The following PCMT1 variants were observed in gnomAD, a reference collection of about 807,000 sequenced individuals.
The protein encoded by PCMT1 is protein-L-isoaspartate(D-aspartate) O-methyltransferase.
Under a neutral mutation model 29.2 loss-of-function variants are expected in PCMT1, and 9 were observed. The ratio of observed to expected loss-of-function variants is 0.31; its 90% confidence interval spans 0.19 to 0.54. The LOEUF is 0.54. Ranked by LOEUF, PCMT1 falls within the 20% of genes least tolerant of loss-of-function variation. The pLI is 0.95. For missense variants in PCMT1, 184 were observed against 282.2 expected (o/e 0.65, Z 2.49); for synonymous variants, 98 against 97.5 (o/e 1.00, Z -0.03).
chr6:149,795,284 C>G, intron 5 of PCMT1: 1 of 404,758 alleles, frequency 2.5e-6, no homozygotes, highest in Non-Finnish European at 4.7e-6. Flanking sequence ...CCAAGCAGTC[C>G]TTGTTCTCCA....
intron 1 of PCMT1, among the ~76,000 whole-genome samples, chr6:149,769,305 A>ATTTTTTTTT (rs1234622188): frequency 1.6e-3 from 79 of 47,974 alleles, no homozygotes; most frequent in African/African-American, 5.0e-3. Flanking sequence ...TTTGTGCAGG[A>ATTTTTTTTT]TTCTTTTTTT....
chr6:149,801,294 T>G (rs192024474), intron 6 of PCMT1, among the ~76,000 whole-genome samples: 1 of 152,342 alleles, frequency 6.6e-6, no homozygotes, highest in Admixed American at 6.5e-5. Flanking sequence ...ATTTTGTGCA[T>G]GGAATAAAGT....
intron 3 of PCMT1, among the ~76,000 whole-genome samples, chr6:149,788,295 T>C (rs1305013294): frequency 2.0e-5 from 3 of 152,240 alleles, no homozygotes; most frequent in Non-Finnish European, 2.9e-5. Flanking sequence ...AGCATTGATA[T>C]AACACTATTA....
chr6:149,773,376 G>GTTTT (rs377225556), intron 3 of PCMT1, among the ~76,000 whole-genome samples: 1 of 151,382 alleles, frequency 6.6e-6, no homozygotes, highest in Admixed American at 6.6e-5. Flanking sequence ...GTTTTGTTTT[G>GTTTT]TTTTGTTTTG....
At chr6:149,777,892 T>TTTTC (rs1323551287) in intron 3 of PCMT1, among the ~76,000 whole-genome samples, 1 of 148,918 alleles carries the variant, frequency 6.7e-6, no homozygotes, top group East Asian at 1.9e-4. Flanking sequence ...TTTTTTTTTT[T>TTTTC]TTTCCACAAA....
At chr6:149,750,169 A>G (rs897623092) in intron 1 of PCMT1, 12 of 673,572 alleles carry the variant, frequency 1.8e-5, no homozygotes, top group Non-Finnish European at 2.7e-5. Context: ...AGGGGAGAGA[A>G]AGAGCCAGGG....
At chr6:149,788,476 A>C (rs1411944666) in intron 3 of PCMT1, among the ~76,000 whole-genome samples, 1 of 152,204 alleles carries the variant, frequency 6.6e-6, no homozygotes, top group Non-Finnish European at 1.5e-5. Context: ...AAACCTTGAA[A>C]ATTTTTACGA....
At chr6:149,783,746 G>C (rs1787910543) in intron 3 of PCMT1, among the ~76,000 whole-genome samples, 1 of 152,012 alleles carries the variant, frequency 6.6e-6, no homozygotes, top group African/African-American at 2.4e-5. Flanking sequence ...CCAGGCTGGA[G>C]TGCAAAGATC....
At chr6:149,787,507 AGCC>A (rs1255148764) in intron 3 of PCMT1, among the ~76,000 whole-genome samples, 6 of 151,642 alleles carry the variant, frequency 4.0e-5, no homozygotes, top group African/African-American at 1.5e-4. Flanking sequence ...CTGGGATTAC[AGCC>A]GCCACCACGC....
chr6:149,777,259 T>G (rs1787606932), intron 3 of PCMT1, among the ~76,000 whole-genome samples: 1 of 152,270 alleles, frequency 6.6e-6, no homozygotes, highest in African/African-American at 2.4e-5. Context: ...AAGTCTGTTT[T>G]ATAATAAAAT....
At chr6:149,768,678 G>A (rs2115244660) in intron 1 of PCMT1, among the ~76,000 whole-genome samples, 1 of 151,728 alleles carries the variant, frequency 6.6e-6, no homozygotes, top group East Asian at 1.9e-4. Flanking sequence ...TCATGCTTGA[G>A]TGCAGTGGCA....
intron 6 of PCMT1, among the ~76,000 whole-genome samples, chr6:149,799,321 AAT>A (rs1322317442): frequency 3.3e-5 from 5 of 150,826 alleles, no homozygotes; most frequent in African/African-American, 9.9e-5. Context: ...CTCTAAAAAA[AAT>A]AAAAGCTTCT....
At chr6:149,758,196 C>CTTTT (rs1786589465) in intron 1 of PCMT1, among the ~76,000 whole-genome samples, 5 of 62,046 alleles carry the variant, frequency 8.1e-5, no homozygotes, top group Admixed American at 4.8e-4. Flanking sequence ...TTTTTTTTTT[C>CTTTT]TTTCTTTCTT....
Position 149,780,001 on chromosome 6 carries a change from C to T in PCMT1, c.192+6832C>T, listed in dbSNP as rs900328183. On this transcript the variant is annotated intron_variant, in intron 3 of 7. Transcript: ENST00000464889. ...ACAAAGCATAGCAGTTACTTCATGG[C>T]AAAAGATGCATTTTAAAACAACAAT... is the stretch of plus-strand genomic sequence containing the variant. 2.0e-5 allele frequency among the ~76,000 whole-genome samples: 3 copies of T among 152,062 alleles called. No homozygotes were observed. In the East Asian group the frequency reaches 5.8e-4, roughly 29 times the overall value.
intron 7 of PCMT1, 198 bp downstream of exon 7, chr6:149,802,614 TG>T (rs59103152): frequency 0.42 from 252,519 of 608,472 alleles, 57,601 homozygotes; most frequent in African/African-American, 0.8. Flanking sequence ...AGGCTTTTTT[TG>T]TTTGTTTGTT....
At chr6:149,756,388 G>A (rs531228915) in intron 1 of PCMT1, among the ~76,000 whole-genome samples, 9 of 145,556 alleles carry the variant, frequency 6.2e-5, no homozygotes, top group Admixed American at 4.2e-4. Context: ...TCTTTCTGTC[G>A]CCCAAGCTGG....
Position 149,788,752 on chromosome 6 carries a change from A to G in PCMT1, c.193-1202A>G, listed in dbSNP as rs562879891. Among the ~76,000 whole-genome samples, 246 of 152,308 alleles carry G rather than the reference A, an allele frequency of 1.6e-3. 3 individuals are homozygous for G. The highest frequency in any genetic ancestry group is 5.7e-3 in the African/African-American group (239 of 41,582). On this transcript the variant is annotated intron_variant, in intron 3 of 7. Coordinates refer to ENST00000464889, the MANE Select transcript of PCMT1 (RefSeq NM_001360452.2). ...ATTTTTCCTTTTGTGATTAATAATT[A>G]TCTGGGGCAAACCCTTTGAGATTAT... is the stretch of plus-strand genomic sequence containing the variant.
At chr6:149,764,120 G>A (rs934237023) in intron 1 of PCMT1, among the ~76,000 whole-genome samples, 2 of 152,174 alleles carry the variant, frequency 1.3e-5, no homozygotes, top group Admixed American at 1.3e-4. Context: ...TTAATTTCAG[G>A]GGAAATGAAC....
chr6:149,765,718 G>C lies in PCMT1; in HGVS notation c.56-5444G>C, dbSNP rs141834498. 1.7e-3 allele frequency: 598 copies of C among 343,560 alleles called. 4 individuals carry two copies. The East Asian group carries it at 0.022, about 12-fold the overall frequency. The allele number at this position is 343,560 out of a possible 1,614,324, so 21.3% of individuals were successfully genotyped here. A position where few individuals can be genotyped will look rare whatever the true frequency, so the allele number is the denominator to read the frequency against. On this transcript the variant is annotated intron_variant, in intron 1 of 7. Transcript: ENST00000464889. ...ATGATGGCTCATACCTGTAATACCA[G>C]CACTTTGGGAGGACGAGGAAGGTGG... is the stretch of plus-strand genomic sequence containing the variant.
Sources: allele counts gnomAD v4.1 joint callset (sites outside exome capture counted in the v4.1 genomes callset), GRCh38; gene constraint gnomAD v4.1.1; transcripts MANE v1.5; gene names NCBI Gene and HGNC (gene_info 2026-07-23, HGNC 2026-07-21).